FAM193A: variants seen among roughly 807,000 people sequenced by gnomAD.
The protein encoded by FAM193A is protein FAM193A.
Under a neutral mutation model 126.5 loss-of-function variants are expected in FAM193A, and 22 were observed. That is an observed-to-expected ratio of 0.17 (90% CI 0.12 to 0.25). FAM193A has a LOEUF of 0.25. Ranked by LOEUF, FAM193A falls within the 10% of genes least tolerant of loss-of-function variation. FAM193A has a pLI of 1.00. For missense variants in FAM193A, 1,675 were observed against 1,672.8 expected, an observed-to-expected ratio of 1.00 and a Z score of -0.02; for synonymous variants, 761 against 646.8, an observed-to-expected ratio of 1.18 and a Z score of -2.68.
At position 2,641,703 on chromosome 4, in the gene FAM193A, C is replaced by T. The variant is rs148176102; in HGVS notation, c.1163+1844C>T. 1.4e-3 allele frequency among the ~76,000 whole-genome samples: 206 copies of T among 152,288 alleles called. 1 individual carries two copies. The highest frequency in any genetic ancestry group is 4.9e-3 in the African/African-American group (202 of 41,564). On this transcript the variant is annotated intron_variant, in intron 6 of 20. Transcript: ENST00000637812. ...AACAAAAAGAATACGTGTATTGACC[C>T]AGTCTTTGTTTCCTGTATTCCCAAA...
At chr4:2,570,485 A>G (rs905746440) in intron 1 of FAM193A, among the ~76,000 whole-genome samples, 7 of 152,040 alleles carry the variant, frequency 4.6e-5, no homozygotes, top group African/African-American at 1.7e-4. Context: ...TTTCCTCCAT[A>G]TATCTTTAAC....
chr4:2,650,118 A>T (rs79816745), intron 7 of FAM193A, among the ~76,000 whole-genome samples: 1 of 152,304 alleles, frequency 6.6e-6, no homozygotes, highest in African/African-American at 2.4e-5. Context: ...CATTGTGGTG[A>T]GTTGTATAAT....
intron 5 of FAM193A, 131 bp from the exon 6 acceptor site, chr4:2,639,602 ACT>A: frequency 3.6e-6 from 2 of 559,206 alleles, no homozygotes; most frequent in African/African-American, 2.4e-5. Context: ...TAAGCTGAAC[ACT>A]CTGGGCCTGT....
intron 20 of FAM193A, among the ~76,000 whole-genome samples, chr4:2,731,177 CAA>C (rs1415954258): frequency 3.4e-5 from 4 of 118,770 alleles, no homozygotes; most frequent in South Asian, 2.7e-4. Context: ...GCCTGGATGA[CAA>C]GAGCGAAACT....
chr4:2,589,756 C>T (rs1740416403), intron 1 of FAM193A, among the ~76,000 whole-genome samples: 2 of 152,076 alleles, frequency 1.3e-5, no homozygotes, highest in Non-Finnish European at 2.9e-5. Flanking sequence ...AAGCTGAGTT[C>T]AGGAAAGAAA....
chr4:2,587,211 AGAG>A (rs1323890101), intron 1 of FAM193A, among the ~76,000 whole-genome samples: 1 of 152,202 alleles, frequency 6.6e-6, no homozygotes, highest in Non-Finnish European at 1.5e-5. Flanking sequence ...CACAAGGTGA[AGAG>A]GACCCAGTGT....
At chr4:2,697,466 C>G (rs1396699943) in intron 18 of FAM193A, among the ~76,000 whole-genome samples, 1 of 152,234 alleles carries the variant, frequency 6.6e-6, no homozygotes, top group African/African-American at 2.4e-5. Flanking sequence ...CTCCAAGAAC[C>G]AGACCTCAGT....
intron 9 of FAM193A, 63 bp downstream of exon 9, chr4:2,659,733 G>T: frequency 6.2e-7 from 1 of 1,612,472 alleles, no homozygotes; most frequent in African/African-American, 1.3e-5. Context: ...CTGAGTGGAG[G>T]CCTAGAACCG....
chr4:2,660,156 C>T lies in FAM193A; in HGVS notation c.1745+102C>T, dbSNP rs1577156100. ...CAGAAGTATGAACATCATTATTGTG[C>T]TTTTCATGACAAGGGACCCTGAGGT... On this transcript the variant is annotated intron_variant, in intron 10 of 20. Coordinates refer to ENST00000637812, the MANE Select transcript of FAM193A (RefSeq NM_001366318.2). The T allele has an allele frequency of 8.7e-5, 112 of 1,287,810 alleles. 1 individual carries two copies. In the South Asian group the frequency reaches 1.5e-3, roughly 18 times the overall value. The allele number at this position is 1,287,810 out of a possible 1,614,324, so 79.8% of individuals were successfully genotyped here.
intron 7 of FAM193A, among the ~76,000 whole-genome samples, chr4:2,653,925 T>G (rs1560526249): frequency 6.6e-6 from 1 of 152,120 alleles, no homozygotes. Flanking sequence ...ATGCTCACAG[T>G]TCTTGAGGCC....
At chr4:2,670,238 T>A (rs1489583010) in intron 12 of FAM193A, among the ~76,000 whole-genome samples, 1 of 152,204 alleles carries the variant, frequency 6.6e-6, no homozygotes, top group African/African-American at 2.4e-5. Context: ...GAAATTTTGG[T>A]TTAGCTATTG....
chr4:2,695,518 G>A (rs1011675573), intron 17 of FAM193A, among the ~76,000 whole-genome samples: 1 of 152,180 alleles, frequency 6.6e-6, no homozygotes, highest in African/African-American at 2.4e-5. Context: ...TCTTTCCAGA[G>A]CTGTGATTTA....
intron 18 of FAM193A, 141 bp from the exon 19 acceptor site, chr4:2,699,539 T>G: frequency 1.5e-6 from 1 of 684,014 alleles, no homozygotes; most frequent in Non-Finnish European, 2.4e-6. Flanking sequence ...GGTGGGTGTG[T>G]GTTAAGTTTT....
intron 5 of FAM193A, among the ~76,000 whole-genome samples, chr4:2,634,418 TA>T (rs746958272): frequency 2.0e-5 from 3 of 151,942 alleles, no homozygotes; most frequent in Non-Finnish European, 1.5e-5. Context: ...CAGCTCACAG[TA>T]AAAAAAGTCA....
chr4:2,577,968 A>G (rs898423438), intron 1 of FAM193A, among the ~76,000 whole-genome samples: 1 of 152,208 alleles, frequency 6.6e-6, no homozygotes, highest in Non-Finnish European at 1.5e-5. Context: ...ATTAGCACGT[A>G]TTATGTACTG....
intron 1 of FAM193A, among the ~76,000 whole-genome samples, chr4:2,537,908 T>C (rs1736986520): frequency 6.6e-6 from 1 of 152,202 alleles, no homozygotes; most frequent in South Asian, 2.1e-4. Context: ...GTTTTGTTTA[T>C]GAAGACAGCT....
At chr4:2,661,254 T>TA (rs573405696) in intron 10 of FAM193A, among the ~76,000 whole-genome samples, 1 of 152,232 alleles carries the variant, frequency 6.6e-6, no homozygotes, top group Non-Finnish European at 1.5e-5. Context: ...ATGTAAACTA[T>TA]GATTTGAAAA....
In FAM193A at chr4:2,631,035, G is replaced by T. The variant is rs1216203534; in HGVS notation, c.904G>T (p.Ala302Ser). The T allele has an allele frequency of 1.9e-6, 3 of 1,613,452 alleles. No individual in the cohort carries two copies. The Admixed American group carries it at 5.0e-5, about 27-fold the overall frequency. ...MKVRLLRQLS[A>S]AAKVKAPSGL... ...GGTCCGCCTGCTCCGGCAGCTGTCG[G>T]CTGCGGCCAAGGTGAAGGCACCATC... Residue 302 changes from alanine to serine, a missense_variant, in exon 5 of 21, where the codon GCT becomes TCT. Ala to Ser is a moderately conservative substitution (Grantham distance 99, BLOSUM62 1). This residue lies in a region of FAM193A where 1,186 missense variants were observed against 1,109.2 expected (regional missense o/e 1.07). Coordinates refer to ENST00000637812, the MANE Select transcript of FAM193A (RefSeq NM_001366318.2).
At chr4:2,627,476 A>C in intron 4 of FAM193A, among the ~76,000 whole-genome samples, 1 of 137,960 alleles carries the variant, frequency 7.2e-6, no homozygotes, top group East Asian at 2.2e-4. Context: ...GTTTTTTGAA[A>C]TGTTTCAAAT....
Sources: allele counts gnomAD v4.1 joint callset (sites outside exome capture counted in the v4.1 genomes callset), GRCh38; gene constraint gnomAD v4.1.1; regional missense constraint gnomAD v4.1.1; transcripts MANE v1.5; gene names NCBI Gene and HGNC (gene_info 2026-07-23, HGNC 2026-07-21).